Variants in MICU1 observed in about 807,000 individuals in gnomAD.
MICU1 encodes the protein calcium uptake protein 1, mitochondrial.
Under a neutral mutation model 56.8 loss-of-function variants are expected in MICU1, and 45 were observed. The ratio of observed to expected loss-of-function variants is 0.79; its 90% CI spans 0.62 to 1.02. MICU1 has a LOEUF of 1.02. Among genes scored for constraint, MICU1 ranks in the 50% least tolerant of loss-of-function variants. MICU1 has a pLI of 0.00. For missense variants in MICU1, 504 were observed against 587.1 expected (o/e 0.86, Z 1.46); for synonymous variants, 186 against 195.1 (o/e 0.95, Z 0.39).
intron 8 of MICU1, among the ~76,000 whole-genome samples, chr10:72,443,976 T>A (rs1248887572): frequency 6.6e-6 from 1 of 152,068 alleles, no homozygotes; most frequent in Non-Finnish European, 1.5e-5. Flanking sequence ...CCAACCCAAA[T>A]GTCCAACAAG....
chr10:72,599,170 GCTCTCA>G (rs1841457288), intron 1 of MICU1, among the ~76,000 whole-genome samples: 1 of 152,180 alleles, frequency 6.6e-6, no homozygotes, highest in Non-Finnish European at 1.5e-5. Flanking sequence ...CTGGCTTGCA[GCTCTCA>G]CCCTGGCCTT....
Position 72,551,706 on chromosome 10 carries a change from T to C in MICU1, c.331-365A>G, listed in dbSNP as rs544345127. Among the ~76,000 whole-genome samples, 188 of 152,312 alleles carry C rather than the reference T, an allele frequency of 1.2e-3. 1 individual carries two copies. Among genetic ancestry groups the C allele is most frequent in the African/African-American group, 4.0e-3 (168 of 41,576 alleles). On this transcript the variant is annotated intron_variant, in intron 3 of 11. Coordinates refer to ENST00000361114, the MANE Select transcript of MICU1 (RefSeq NM_001195518.2). ...TTCAGTAATAGGGTACAATGCCATA[T>C]ATATGCCAACCTATAGCTTCTTAAA...
chr10:72,461,062 C>T (rs1865625229), intron 8 of MICU1, among the ~76,000 whole-genome samples: 1 of 152,092 alleles, frequency 6.6e-6, no homozygotes, highest in South Asian at 2.1e-4. Flanking sequence ...TGCCTATAGG[C>T]CCAGAGAGGT....
chr10:72,450,457 T>A (rs1164790095), intron 8 of MICU1, among the ~76,000 whole-genome samples: 2 of 151,876 alleles, frequency 1.3e-5, no homozygotes, highest in Non-Finnish European at 2.9e-5. Flanking sequence ...GATGAGATGA[T>A]GTTTCTGACA....
At chr10:72,601,246 A>C (rs1305306241) in intron 1 of MICU1, among the ~76,000 whole-genome samples, 1 of 152,082 alleles carries the variant, frequency 6.6e-6, no homozygotes, top group Non-Finnish European at 1.5e-5. Context: ...AAATAAGGAG[A>C]CCCTGTATCT....
intron 8 of MICU1, among the ~76,000 whole-genome samples, chr10:72,452,436 T>C (rs142379172): frequency 1.0e-3 from 152 of 152,288 alleles, no homozygotes; most frequent in African/African-American, 3.4e-3. Context: ...GATGCCACCA[T>C]GGTAATATAA....
chr10:72,481,428 T>C (rs928874800), intron 6 of MICU1, among the ~76,000 whole-genome samples: 14 of 152,308 alleles, frequency 9.2e-5, no homozygotes, highest in Admixed American at 2.6e-4. Flanking sequence ...TTTTGTTTTT[T>C]TGAGACTGAA....
At chr10:72,578,325 T>C (rs1040312816) in intron 1 of MICU1, among the ~76,000 whole-genome samples, 3 of 152,092 alleles carry the variant, frequency 2.0e-5, no homozygotes, top group African/African-American at 7.2e-5. Context: ...TGGCATGATC[T>C]TGGCTCACAG....
At chr10:72,488,050 G>C (rs1430604537) in intron 6 of MICU1, among the ~76,000 whole-genome samples, 2 of 151,894 alleles carry the variant, frequency 1.3e-5, no homozygotes, top group East Asian at 3.9e-4. Context: ...TACAAAATTA[G>C]CCAGGCGTGG....
intron 8 of MICU1, among the ~76,000 whole-genome samples, chr10:72,435,411 A>AAAAAAAAG (rs1864678769): frequency 6.8e-6 from 1 of 147,214 alleles, no homozygotes; most frequent in Non-Finnish European, 1.5e-5. Flanking sequence ...AAAAAAAAAA[A>AAAAAAAAG]GTGGGGGGCG....
intron 8 of MICU1, among the ~76,000 whole-genome samples, chr10:72,440,915 G>T (rs1216931976): frequency 6.6e-6 from 1 of 152,160 alleles, no homozygotes; most frequent in Non-Finnish European, 1.5e-5. Flanking sequence ...TTCTGGAGAG[G>T]ATGTGGAGAA....
chr10:72,382,301 A>G (rs1180864157), intron 10 of MICU1, among the ~76,000 whole-genome samples: 6 of 149,450 alleles, frequency 4.0e-5, no homozygotes, highest in African/African-American at 1.5e-4. Context: ...TAGTAGAGAC[A>G]GGGTTTCGCC....
intron 1 of MICU1, among the ~76,000 whole-genome samples, chr10:72,620,015 G>C (rs1046730572): frequency 1.3e-5 from 2 of 152,014 alleles, no homozygotes; most frequent in African/African-American, 4.8e-5. Context: ...TAGGATGGTA[G>C]GCAAAGTATT....
At chr10:72,606,443 G>A (rs1841693899) in intron 1 of MICU1, among the ~76,000 whole-genome samples, 1 of 151,914 alleles carries the variant, frequency 6.6e-6, no homozygotes, top group African/African-American at 2.4e-5. Flanking sequence ...AACCCAGGAG[G>A]CAGAGGTTGC....
At chr10:72,386,275 G>A (rs961091029) in intron 10 of MICU1, among the ~76,000 whole-genome samples, 6 of 152,014 alleles carry the variant, frequency 3.9e-5, no homozygotes, top group African/African-American at 9.7e-5. Context: ...TCTGCCTCCC[G>A]GGTTCAAACA....
chr10:72,438,196 G>A (rs1342700112), intron 8 of MICU1, among the ~76,000 whole-genome samples: 10 of 152,172 alleles, frequency 6.6e-5, no homozygotes, highest in Non-Finnish European at 1.3e-4. Context: ...ACAACAAACT[G>A]TCTCTCAGAC....
At chr10:72,376,502 C>T (rs184741431) in intron 10 of MICU1, among the ~76,000 whole-genome samples, 11 of 151,752 alleles carry the variant, frequency 7.2e-5, no homozygotes, top group African/African-American at 2.4e-4. Flanking sequence ...AAAATTAGCC[C>T]GGCATGGTGG....
chr10:72,370,060 A>G (rs1406814923), intron 11 of MICU1, among the ~76,000 whole-genome samples: 1 of 152,064 alleles, frequency 6.6e-6, no homozygotes, highest in Non-Finnish European at 1.5e-5. Context: ...TTGTATTTTT[A>G]GTAGAGATGG....
chr10:72,369,522 T>A (rs536765102), intron 11 of MICU1, among the ~76,000 whole-genome samples: 13 of 152,168 alleles, frequency 8.5e-5, no homozygotes, highest in Non-Finnish European at 1.8e-4. Flanking sequence ...TTGGGGTCAG[T>A]TAGGAGACTG....
Sources: gnomAD v4.1 joint callset for allele counts (sites outside exome capture counted in the v4.1 genomes callset) on GRCh38, gnomAD v4.1.1 for gene constraint, MANE v1.5 for transcripts, NCBI Gene and HGNC (gene_info 2026-07-23, HGNC 2026-07-21) for gene names.